Variants in KCNQ5 observed in about 807,000 individuals in gnomAD.
KCNQ5 encodes the protein potassium voltage-gated channel subfamily KQT member 5.
In KCNQ5, 30 loss-of-function variants were observed where a neutral mutation model predicts 98.2. That is an observed-to-expected ratio of 0.31 (90% CI 0.23 to 0.41). The LOEUF (loss-of-function observed/expected upper bound fraction) is 0.41. Ranked by LOEUF, KCNQ5 falls within the 10% of genes least tolerant of loss-of-function variation. The probability of loss-of-function intolerance (pLI) is 1.00; values close to 1 mark genes in which losing one functional copy is unlikely to be tolerated. For synonymous variants in KCNQ5, 458 were observed against 449.4 expected, an observed-to-expected ratio of 1.02 and a Z score of -0.24; for missense variants, 835 against 1,182.5, an observed-to-expected ratio of 0.71 and a Z score of 4.31.
chr6:73,135,661 A>G (rs1776440992), intron 10 of KCNQ5: 2 of 152,164 alleles, frequency 1.3e-5, no homozygotes, highest in Non-Finnish European at 2.9e-5. Context: ...GCAGACATAG[A>G]CTATGTAATG....
chr6:72,918,581 A>G (rs539217685), intron 1 of KCNQ5, among the ~76,000 whole-genome samples: 2 of 152,208 alleles, frequency 1.3e-5, no homozygotes, highest in South Asian at 4.2e-4. Flanking sequence ...CAGAGGTGAC[A>G]GAAAAGTTCC....
chr6:73,035,887 C>T (rs548793290), intron 2 of KCNQ5, among the ~76,000 whole-genome samples: 1 of 152,016 alleles, frequency 6.6e-6, no homozygotes, highest in South Asian at 2.1e-4. Flanking sequence ...CAAAATGTAA[C>T]ATTTTGTAAA....
intron 1 of KCNQ5, among the ~76,000 whole-genome samples, chr6:72,792,553 T>C (rs1162963465): frequency 6.6e-6 from 1 of 152,226 alleles, no homozygotes; most frequent in Non-Finnish European, 1.5e-5. Context: ...CGATGGGTCA[T>C]GTTTTTTCAG....
intron 1 of KCNQ5, among the ~76,000 whole-genome samples, chr6:72,948,440 G>GT (rs1452579915): frequency 6.6e-6 from 1 of 151,704 alleles, no homozygotes; most frequent in Non-Finnish European, 1.5e-5. Flanking sequence ...GTTTTATTCA[G>GT]TTTTGGCTTC....
intron 1 of KCNQ5, among the ~76,000 whole-genome samples, chr6:72,948,651 A>G (rs918130530): frequency 1.3e-5 from 2 of 152,094 alleles, no homozygotes; most frequent in Admixed American, 6.6e-5. Flanking sequence ...AATTTTCCTT[A>G]AGTTATTTTC....
intron 1 of KCNQ5, among the ~76,000 whole-genome samples, chr6:72,671,886 G>A (rs905107804): frequency 2.0e-4 from 30 of 150,190 alleles, no homozygotes; most frequent in African/African-American, 7.1e-4. Flanking sequence ...GCACGATCTC[G>A]GCTCACTGCG....
chr6:72,739,098 C>A (rs531416150), intron 1 of KCNQ5, among the ~76,000 whole-genome samples: 2 of 152,168 alleles, frequency 1.3e-5, no homozygotes, highest in South Asian at 2.1e-4. Context: ...AACCAATGTT[C>A]CAGTTTGGTG....
At chr6:72,706,280 G>A (rs1769075731) in intron 1 of KCNQ5, among the ~76,000 whole-genome samples, 1 of 151,618 alleles carries the variant, frequency 6.6e-6, no homozygotes, top group Non-Finnish European at 1.5e-5. Context: ...ATTCTGAAGT[G>A]GAAAGGATGT....
At chr6:72,724,565 G>A (rs1770161511) in intron 1 of KCNQ5, among the ~76,000 whole-genome samples, 1 of 152,100 alleles carries the variant, frequency 6.6e-6, no homozygotes, top group African/African-American at 2.4e-5. Flanking sequence ...CAGTGCCTTG[G>A]AAATTGTCCA....
At chr6:72,628,947 T>C (rs1177440166) in intron 1 of KCNQ5, among the ~76,000 whole-genome samples, 1 of 152,078 alleles carries the variant, frequency 6.6e-6, no homozygotes, top group African/African-American at 2.4e-5. Flanking sequence ...ACAGAACACA[T>C]CACTCCTCCT....
chr6:72,681,838 A>G (rs1379451839), intron 1 of KCNQ5, among the ~76,000 whole-genome samples: 2 of 152,178 alleles, frequency 1.3e-5, no homozygotes, highest in Non-Finnish European at 2.9e-5. Flanking sequence ...CTTATAGAAT[A>G]TGGAGTCAGT....
At chr6:72,821,561 G>A (rs1412927262) in intron 1 of KCNQ5, among the ~76,000 whole-genome samples, 2 of 151,258 alleles carry the variant, frequency 1.3e-5, no homozygotes, top group East Asian at 3.9e-4. Context: ...CTCTCCTTCT[G>A]AATAGTATTT....
rs1049066351 is a variant in KCNQ5 at position 72,622,081 on chromosome 6, G to T, written c.-109G>T. On this transcript the variant is annotated 5_prime_UTR_variant, in exon 1 of 14. Coordinates refer to ENST00000370398, the MANE Select transcript of KCNQ5 (RefSeq NM_019842.4). This position sits in a 1 kb window ranked among gnomAD's most constrained non-coding sequence, Gnocchi z 6.0. ...CCCGGCTCAGAGGTCTCTGGCTGGC[G>T]GGCGCCCCGTCGGCCGCCGGCTTCC... 6 of 968,150 alleles carry T rather than the reference G, an allele frequency of 6.2e-6. No individual in the cohort carries two copies. The African/African-American group carries it at 8.5e-5, about 14-fold the overall frequency. 60.0% of individuals were successfully genotyped at this position (968,150 alleles called of 1,614,324 possible). A position where few individuals can be genotyped will look rare whatever the true frequency, so the allele number is the denominator to read the frequency against.
intron 1 of KCNQ5, among the ~76,000 whole-genome samples, chr6:72,655,249 T>C (rs12208907): frequency 0.12 from 18,337 of 151,502 alleles, 1,240 homozygotes; most frequent in South Asian, 0.17. Context: ...CAAAACTTAG[T>C]CACCAAAGGA....
chr6:73,074,273 C>G (rs1773422952), intron 3 of KCNQ5, among the ~76,000 whole-genome samples: 1 of 152,090 alleles, frequency 6.6e-6, no homozygotes, highest in Non-Finnish European at 1.5e-5. Context: ...TTGTAAAATA[C>G]TAGCCTAGGA....
intron 5 of KCNQ5, among the ~76,000 whole-genome samples, chr6:73,093,297 C>G (rs1774333751): frequency 6.6e-6 from 1 of 152,062 alleles, no homozygotes; most frequent in Non-Finnish European, 1.5e-5. Context: ...TTTCTCTCTT[C>G]TTTTTATGGT....
chr6:72,892,710 C>A (rs1333296136), intron 1 of KCNQ5, among the ~76,000 whole-genome samples: 1 of 149,628 alleles, frequency 6.7e-6, no homozygotes, highest in African/African-American at 2.5e-5. Flanking sequence ...ATGGAACCTA[C>A]CTTAAAAAAA....
In KCNQ5 at chr6:73,195,661, A is replaced by C; in HGVS notation, c.*247A>C. Reference sequence around the variant, plus strand: ...TTGAGTTAAAAAGCCTGAGAAACCAAACACAGCTAATGCTATGGGGTGTAT... The same window carrying C: ...TTGAGTTAAAAAGCCTGAGAAACCACACACAGCTAATGCTATGGGGTGTAT... On this transcript the variant is annotated 3_prime_UTR_variant, in exon 14 of 14. Coordinates refer to ENST00000370398, the MANE Select transcript of KCNQ5 (RefSeq NM_019842.4). The C allele has an allele frequency of 2.0e-6, 1 of 488,582 alleles. No individual in the cohort carries two copies. Among genetic ancestry groups the C allele is most frequent in the Non-Finnish European group, 3.7e-6 (1 of 269,578 alleles). 30.3% of individuals were successfully genotyped at this position (488,582 alleles called of 1,614,324 possible).
At chr6:73,112,432 G>A (rs1197144375) in intron 7 of KCNQ5, among the ~76,000 whole-genome samples, 1 of 150,336 alleles carries the variant, frequency 6.7e-6, no homozygotes, top group Admixed American at 6.6e-5. Context: ...TGCAAGCTCC[G>A]CCTCCTGGGT....
Sources: allele counts gnomAD v4.1 joint callset (sites outside exome capture counted in the v4.1 genomes callset), GRCh38; gene constraint gnomAD v4.1.1; non-coding constraint Gnocchi (gnomAD v3.1); transcripts MANE v1.5; gene names NCBI Gene and HGNC (gene_info 2026-07-23, HGNC 2026-07-21).